OXCT1: variants seen among roughly 807,000 people sequenced by gnomAD.
OXCT1 encodes succinyl-CoA:3-ketoacid coenzyme A transferase 1, mitochondrial.
OXCT1 carries 27 observed loss-of-function variants against 69.6 expected under a neutral mutation model. The ratio of observed to expected loss-of-function variants is 0.39; its 90% CI spans 0.29 to 0.54. The LOEUF is 0.54. Ranked by LOEUF, OXCT1 falls within the 20% of genes least tolerant of loss-of-function variation. OXCT1 has a pLI of 0.72. For synonymous variants in OXCT1, 202 were observed against 217.8 expected (o/e 0.93, Z 0.64); for missense variants, 437 against 650.2 (o/e 0.67, Z 3.57).
intron 7 of OXCT1, among the ~76,000 whole-genome samples, chr5:41,824,291 G>T (rs773566937): frequency 1.3e-5 from 2 of 152,136 alleles, no homozygotes; most frequent in Non-Finnish European, 2.9e-5. Context: ...ATAAACAGAA[G>T]TTGTTGCTAT....
chr5:41,741,380 A>G (rs1743159655), intron 15 of OXCT1, among the ~76,000 whole-genome samples: 2 of 152,326 alleles, frequency 1.3e-5, no homozygotes, highest in African/African-American at 4.8e-5. Flanking sequence ...GAGCTCAGTG[A>G]GAATTCCACT....
intron 16 of OXCT1, among the ~76,000 whole-genome samples, chr5:41,735,390 A>G (rs1257981507): frequency 2.0e-5 from 3 of 152,222 alleles, no homozygotes; most frequent in African/African-American, 4.8e-5. Context: ...AGGTATCTAG[A>G]ATAGTCAAAA....
intron 14 of OXCT1, among the ~76,000 whole-genome samples, chr5:41,759,600 G>C (rs991349189): frequency 6.6e-6 from 1 of 152,104 alleles, no homozygotes; most frequent in East Asian, 1.9e-4. Context: ...TAGGTAGCCA[G>C]GTCTCAGGTT....
At chr5:41,848,117 G>T (rs909785699) in intron 5 of OXCT1, among the ~76,000 whole-genome samples, 2 of 147,414 alleles carry the variant, frequency 1.4e-5, no homozygotes, top group Non-Finnish European at 3.0e-5. Flanking sequence ...AAAATCACAA[G>T]CATTCTTATA....
At chr5:41,812,498 G>A (rs1339416093) in intron 7 of OXCT1, among the ~76,000 whole-genome samples, 1 of 151,984 alleles carries the variant, frequency 6.6e-6, no homozygotes, top group African/African-American at 2.4e-5. Flanking sequence ...AAAGAGACAC[G>A]TATGACCTAG....
intron 1 of OXCT1, among the ~76,000 whole-genome samples, chr5:41,863,136 T>C (rs1749819407): frequency 1.3e-5 from 2 of 152,288 alleles, no homozygotes; most frequent in Middle Eastern, 6.8e-3. Context: ...GTCTAATTTG[T>C]AAATTAAAAT....
At chr5:41,802,929 T>C (rs924646907) in intron 10 of OXCT1, 140 bp downstream of exon 10, 1 of 667,038 alleles carries the variant, frequency 1.5e-6, no homozygotes, top group Non-Finnish European at 2.7e-6. Flanking sequence ...GTTTCAGCAT[T>C]ATACAATTTA....
At chr5:41,821,404 T>C (rs1037202712) in intron 7 of OXCT1, among the ~76,000 whole-genome samples, 2 of 152,182 alleles carry the variant, frequency 1.3e-5, no homozygotes, top group Non-Finnish European at 2.9e-5. Context: ...ATATTCTACA[T>C]GGAAACAAAA....
At chr5:41,774,654 G>A (rs1745037617) in intron 13 of OXCT1, among the ~76,000 whole-genome samples, 1 of 152,166 alleles carries the variant, frequency 6.6e-6, no homozygotes, top group African/African-American at 2.4e-5. Context: ...CCAGCACTCT[G>A]GGAAGTGGAG....
intron 13 of OXCT1, among the ~76,000 whole-genome samples, chr5:41,787,728 T>C (rs1440271125): frequency 6.9e-6 from 1 of 144,970 alleles, no homozygotes; most frequent in African/African-American, 2.6e-5. Context: ...TTTTGTAATA[T>C]ATGGAGCATC....
At chr5:41,761,016 A>G (rs1402501280) in intron 14 of OXCT1, among the ~76,000 whole-genome samples, 1 of 152,138 alleles carries the variant, frequency 6.6e-6, no homozygotes, top group African/African-American at 2.4e-5. Context: ...TGTCATTTCC[A>G]CTCAGATTAG....
intron 1 of OXCT1, among the ~76,000 whole-genome samples, chr5:41,865,868 G>A (rs529985779): frequency 6.6e-6 from 1 of 152,218 alleles, no homozygotes; most frequent in Non-Finnish European, 1.5e-5. Flanking sequence ...TTTGGAAAAT[G>A]CAAACTTTTC....
At chr5:41,779,836 A>T (rs1448777256) in intron 13 of OXCT1, among the ~76,000 whole-genome samples, 1 of 152,150 alleles carries the variant, frequency 6.6e-6, no homozygotes, top group Non-Finnish European at 1.5e-5. Context: ...TTACTGGGCC[A>T]AAAAAGAAAT....
chr5:41,787,278 T>A lies in OXCT1; in HGVS notation c.1248+6725A>T, dbSNP rs1403179869. 2.6e-5 allele frequency among the ~76,000 whole-genome samples: 4 copies of A among 151,934 alleles called. No individual in the cohort carries two copies. In the East Asian group the frequency reaches 7.8e-4, roughly 29 times the overall value. On this transcript the variant is annotated intron_variant, in intron 13 of 16. Transcript: ENST00000196371. The stretch of plus-strand genomic sequence containing the variant: ...TAATGATATTAAACAGTTAGAAAAA[T>A]CAAACTGACATGAAAAAGTGGCTTT...
At chr5:41,732,342 T>A (rs1282074703) in intron 16 of OXCT1, among the ~76,000 whole-genome samples, 2 of 152,178 alleles carry the variant, frequency 1.3e-5, no homozygotes, top group Non-Finnish European at 2.9e-5. Flanking sequence ...ATGGAAGTAA[T>A]AGCATTAAAA....
At chr5:41,815,706 A>G (rs748265331) in intron 7 of OXCT1, among the ~76,000 whole-genome samples, 1 of 152,196 alleles carries the variant, frequency 6.6e-6, no homozygotes, top group Non-Finnish European at 1.5e-5. Flanking sequence ...CTTATCTATA[A>G]TAGTTTTTAA....
At position 41,855,279 on chromosome 5, in the gene OXCT1, C is replaced by T. The variant is rs114408716; in HGVS notation, c.279-1725G>A. On this transcript the variant is annotated intron_variant, in intron 3 of 16. Coordinates refer to ENST00000196371, the MANE Select transcript of OXCT1 (RefSeq NM_000436.4). ...TGGTAGTGGGAGAAGAGAACAGCGA[C>T]TGGAAGGAGCAGGAAGAGGGCTTCC... is the stretch of plus-strand genomic sequence containing the variant. Among the ~76,000 whole-genome samples the T allele has an allele frequency of 4.9e-3, 746 of 152,286 alleles. 7 individuals are homozygous for T. Among genetic ancestry groups the T allele is most frequent in the African/African-American group, 0.017 (700 of 41,550 alleles).
intron 12 of OXCT1, 32 bp from the exon 13 acceptor site, chr5:41,794,110 C>T (rs1746060451): frequency 6.5e-7 from 1 of 1,531,340 alleles, no homozygotes; most frequent in Admixed American, 1.7e-5. Flanking sequence ...TAAAGTGAAC[C>T]TCATAAGCTT....
chr5:41,805,424 A>T (rs1579773946), intron 9 of OXCT1, 143 bp downstream of exon 9: 5 of 133,494 alleles, frequency 3.7e-5, no homozygotes, highest in East Asian at 1.7e-4. Flanking sequence ...CACATTTTGT[A>T]AAAAAAAAAA....
Sources: gnomAD v4.1 joint callset for allele counts (sites outside exome capture counted in the v4.1 genomes callset) on GRCh38, gnomAD v4.1.1 for gene constraint, MANE v1.5 for transcripts, NCBI Gene and HGNC (gene_info 2026-07-23, HGNC 2026-07-21) for gene names.